The following ANAPC7 variants were observed in gnomAD, a reference collection of about 807,000 sequenced individuals.
ANAPC7 encodes the protein anaphase-promoting complex subunit 7.
A neutral mutation model predicts 63.3 loss-of-function variants in ANAPC7; 25 were observed. The observed-to-expected ratio is 0.39, with a 90% CI of 0.29 to 0.55. ANAPC7 has a LOEUF of 0.55. ANAPC7 is among the 20% of genes least tolerant of loss of function. ANAPC7 has a pLI of 0.57. For missense variants in ANAPC7, 516 were observed against 691.7 expected, an observed-to-expected ratio of 0.75 and a Z score of 2.85; for synonymous variants, 241 against 251.7, an observed-to-expected ratio of 0.96 and a Z score of 0.40.
intron 3 of ANAPC7, among the ~76,000 whole-genome samples, chr12:110,391,284 T>C (rs1460305023): frequency 1.3e-5 from 2 of 152,140 alleles, no homozygotes; most frequent in African/African-American, 4.8e-5. Context: ...ACACAAGCAG[T>C]CATCATTTTC....
At chr12:110,392,923 G>A (rs989304569) in intron 3 of ANAPC7, among the ~76,000 whole-genome samples, 1 of 152,134 alleles carries the variant, frequency 6.6e-6, no homozygotes, top group Non-Finnish European at 1.5e-5. Context: ...AGCCTCCAGA[G>A]TAGCTGAGAT....
chr12:110,377,316 T>A, intron 9 of ANAPC7, 77 bp downstream of exon 9: 1 of 1,279,300 alleles, frequency 7.8e-7, no homozygotes, highest in Non-Finnish European at 1.1e-6. Context: ...TGTAACTAGC[T>A]GGGACAAGGG....
At chr12:110,377,824 A>C in intron 8 of ANAPC7, 7 of 1,422,892 alleles carry the variant, frequency 4.9e-6, no homozygotes, top group Non-Finnish European at 6.4e-6. Context: ...GATGTAGAAA[A>C]AGACTGCCTT....
At chr12:110,376,939 G>A (rs1592892513) in intron 9 of ANAPC7, among the ~76,000 whole-genome samples, 1 of 151,108 alleles carries the variant, frequency 6.6e-6, no homozygotes, top group East Asian at 1.9e-4. Flanking sequence ...TGGCCAATAT[G>A]GTGAAACCCC....
At chr12:110,399,699 A>G (rs2062198019) in intron 1 of ANAPC7, among the ~76,000 whole-genome samples, 1 of 151,154 alleles carries the variant, frequency 6.6e-6, no homozygotes, top group African/African-American at 2.4e-5. Flanking sequence ...CTGAGGCAGG[A>G]GAATCGCTTG....
chr12:110,384,302 CAGG>C (rs1374596584), intron 6 of ANAPC7, among the ~76,000 whole-genome samples: 2 of 152,070 alleles, frequency 1.3e-5, no homozygotes, highest in African/African-American at 4.8e-5. Context: ...GGGGCTAAGG[CAGG>C]AGGATTGCTT....
chr12:110,396,436 G>A lies in ANAPC7; in HGVS notation c.118C>T (p.Pro40Ser). 6.2e-7 allele frequency: 1 copy of A among 1,608,616 alleles called. No homozygotes were observed. Among genetic ancestry groups the A allele is most frequent in the Non-Finnish European group, 8.5e-7 (1 of 1,178,550 alleles). ...SNNNPELFSP[P>S]QKYQLLVYHA... ...TACACCAAAAGCTGGTACTTCTGAGGTGGGGAGAATAACTCACTAGAAAAC... is the reference window on the plus strand; with the variant it reads ...TACACCAAAAGCTGGTACTTCTGAGATGGGGAGAATAACTCACTAGAAAAC... Residue 40 changes from proline (P) to serine (S), a missense_variant, in exon 2 of 11, where the codon CCT becomes TCT. Pro to Ser is a moderately conservative substitution (Grantham distance 74). Around this residue, in one of 4 missense-constraint regions of ANAPC7, gnomAD observed 185 missense variants for 200.3 expected, o/e 0.92. Coordinates refer to ENST00000455511, the MANE Select transcript of ANAPC7 (RefSeq NM_016238.3).
At chr12:110,375,143 G>A (rs573421593) in intron 10 of ANAPC7, among the ~76,000 whole-genome samples, 2 of 152,286 alleles carry the variant, frequency 1.3e-5, no homozygotes, top group Admixed American at 6.5e-5. Flanking sequence ...AATGCGGACC[G>A]ATCTGTAACA....
chr12:110,401,324 GTA>G (rs779664549), intron 1 of ANAPC7, among the ~76,000 whole-genome samples: 11 of 152,108 alleles, frequency 7.2e-5, no homozygotes, highest in Non-Finnish European at 1.5e-4. Context: ...TTGGACAAGG[GTA>G]TTTCACCTCC....
intron 5 of ANAPC7, chr12:110,387,309 GACAGAGAGACAGAGAGAGAGAGAGA>G (rs1882627139): frequency 8.5e-6 from 1 of 117,220 alleles, no homozygotes; most frequent in Non-Finnish European, 1.8e-5. Context: ...GAGAGAGAGA[GACAGAGAGACAGAGAGAGAGAGAGA>G]GGCAGAGAGA....
chr12:110,386,555 A>T, intron 5 of ANAPC7, 86 bp from the exon 6 acceptor site: 1 of 1,208,700 alleles, frequency 8.3e-7, no homozygotes, highest in Non-Finnish European at 1.2e-6. Context: ...TCATACAGAT[A>T]CTATTTTCTT....
chr12:110,383,946 T>TA (rs1248839734), intron 6 of ANAPC7, among the ~76,000 whole-genome samples: 1 of 148,426 alleles, frequency 6.7e-6, no homozygotes, highest in African/African-American at 2.5e-5. Context: ...CTCATGCCTG[T>TA]AATCCCAGCA....
At chr12:110,383,875 CAAAAAAAA>C (rs1159374781) in intron 6 of ANAPC7, among the ~76,000 whole-genome samples, 3 of 50,678 alleles carry the variant, frequency 5.9e-5, no homozygotes, top group African/African-American at 6.8e-5. Context: ...GACTCCGTCT[CAAAAAAAA>C]AAAAAAAAAA....
intron 1 of ANAPC7, among the ~76,000 whole-genome samples, chr12:110,397,306 C>G (rs1430783714): frequency 6.7e-6 from 1 of 148,840 alleles, no homozygotes. Flanking sequence ...TGTAACCCCA[C>G]CACTTTGGGA....
At chr12:110,387,633 C>G (rs916022780) in intron 5 of ANAPC7, 106 bp downstream of exon 5, 302 of 1,338,444 alleles carry the variant, frequency 2.3e-4, no homozygotes, top group Non-Finnish European at 3.0e-4. Flanking sequence ...CTGGCTGCAG[C>G]ACCAACAGCA....
At chr12:110,380,576 G>A (rs571610943) in intron 8 of ANAPC7, among the ~76,000 whole-genome samples, 17 of 151,162 alleles carry the variant, frequency 1.1e-4, no homozygotes, top group African/African-American at 3.4e-4. Context: ...GTTTGAACCC[G>A]GAAGGTGGAG....
rs751154745 is a variant in ANAPC7 at position 110,376,447 on chromosome 12, T to TAC, written c.1358-232_1358-231insGT. 4.0e-5 allele frequency among the ~76,000 whole-genome samples: 6 copies of TAC among 151,284 alleles called. No homozygotes were observed. The East Asian group carries it at 5.9e-4, about 15-fold the overall frequency. On this transcript the variant is annotated intron_variant, in intron 9 of 10. Transcript: ENST00000455511. Reference sequence around the variant, plus strand: ...AGCCGGGCTTGGTGGCAGGTGCCTGTAGTCCCAGCTACTCGGGAGGCTGAG... The same window carrying TAC: ...AGCCGGGCTTGGTGGCAGGTGCCTGTACAGTCCCAGCTACTCGGGAGGCTGAG...
intron 4 of ANAPC7, 72 bp from the exon 5 acceptor site, chr12:110,387,964 C>T (rs536542391): frequency 3.7e-4 from 573 of 1,532,510 alleles, no homozygotes; most frequent in Non-Finnish European, 4.9e-4. Flanking sequence ...GAGCAACGGG[C>T]TACATCTTCC....
intron 6 of ANAPC7, among the ~76,000 whole-genome samples, chr12:110,383,799 C>T (rs1300906321): frequency 6.1e-5 from 8 of 131,546 alleles, no homozygotes; most frequent in African/African-American, 2.4e-4. Flanking sequence ...TCGCTTGAAT[C>T]AGGGAGGCGG....
Sources: allele counts gnomAD v4.1 joint callset (sites outside exome capture counted in the v4.1 genomes callset), GRCh38; gene constraint gnomAD v4.1.1; regional missense constraint gnomAD v4.1.1; transcripts MANE v1.5; gene names NCBI Gene and HGNC (gene_info 2026-07-23, HGNC 2026-07-21).